The following TM9SF2 variants were observed in gnomAD, a reference collection of about 807,000 sequenced individuals.
TM9SF2 encodes transmembrane 9 superfamily member 2, also known as 76 kDa membrane protein.
Under a neutral mutation model 84.9 loss-of-function variants are expected in TM9SF2, and 13 were observed. The observed-to-expected ratio is 0.15, with a 90% CI of 0.10 to 0.24. The LOEUF (loss-of-function observed/expected upper bound fraction) is 0.24, where lower values mean the gene tolerates loss of function less well. Ranked by LOEUF, TM9SF2 falls within the 10% of genes least tolerant of loss-of-function variation. The pLI is 1.00. For missense variants in TM9SF2, 562 were observed against 818.5 expected (o/e 0.69, Z 3.82); for synonymous variants, 273 against 285.8 (o/e 0.96, Z 0.45).
intron 3 of TM9SF2, among the ~76,000 whole-genome samples, chr13:99,528,879 C>A (rs1172012083): frequency 3.3e-5 from 5 of 152,080 alleles, no homozygotes; most frequent in African/African-American, 4.8e-5. Flanking sequence ...TTTTTAATCA[C>A]CTTATGTAAT....
At chr13:99,553,298 C>T (rs1227242338) in intron 13 of TM9SF2, among the ~76,000 whole-genome samples, 2 of 152,198 alleles carry the variant, frequency 1.3e-5, no homozygotes, top group South Asian at 2.1e-4. Flanking sequence ...TGGCACTGTT[C>T]CACAGCCTCC....
rs1404240842 is a variant in TM9SF2, at chr13:99,562,879, C to T, written c.*121C>T. On this transcript the variant is annotated 3_prime_UTR_variant, in exon 17 of 17. Transcript: ENST00000376387. ...TGGCCTAGTAATCCTTCAGAAACACCGTAATTCTAAATAAACCTCTTCCCA... is the reference window on the plus strand; with the variant it reads ...TGGCCTAGTAATCCTTCAGAAACACTGTAATTCTAAATAAACCTCTTCCCA... 8 of 887,340 alleles carry T rather than the reference C, an allele frequency of 9.0e-6. No individual in the cohort carries two copies. The highest frequency in any genetic ancestry group is 2.5e-5 in the East Asian group (1 of 39,728). 55.0% of individuals were successfully genotyped at this position (887,340 alleles called of 1,614,324 possible). A position where few individuals can be genotyped will look rare whatever the true frequency, so the allele number is the denominator to read the frequency against.
chr13:99,533,315 A>G (rs929803691), intron 4 of TM9SF2, among the ~76,000 whole-genome samples: 26 of 152,372 alleles, frequency 1.7e-4, no homozygotes, highest in African/African-American at 6.3e-4. Context: ...TCTATTCTAC[A>G]GAACTAACAC....
rs774795525 is a variant in TM9SF2 at position 99,539,331 on chromosome 13, A to T, written c.717-115A>T. ...TATTTATGCTATTAAGTGTGACATG[A>T]ATAATTTCACCTTTGTCAGCAGCAT... is the stretch of plus-strand genomic sequence containing the variant. On this transcript the variant is annotated intron_variant, in intron 6 of 16. Coordinates refer to ENST00000376387, the MANE Select transcript of TM9SF2 (RefSeq NM_004800.3). The T allele has an allele frequency of 6.5e-5, 45 of 694,794 alleles. No homozygotes were observed. In the Middle Eastern group the frequency reaches 7.5e-4, roughly 12 times the overall value. 43.0% of individuals were successfully genotyped at this position (694,794 alleles called of 1,614,324 possible).
intron 9 of TM9SF2, 42 bp from the exon 10 acceptor site, chr13:99,543,821 T>G (rs775685191): frequency 1.2e-6 from 2 of 1,605,874 alleles, no homozygotes; most frequent in East Asian, 4.5e-5. Context: ...GTTGTCTTGT[T>G]GATACCATGA....
In TM9SF2 at chr13:99,501,613, G is replaced by C; in HGVS notation, c.7G>C (p.Ala3Pro). 1 of 1,611,976 alleles carries C rather than the reference G, an allele frequency of 6.2e-7. No homozygotes were observed. The highest frequency in any genetic ancestry group is 8.5e-7 in the Non-Finnish European group (1 of 1,179,166). MS[A>P]RLPVLSPPRW... ...TTTCCCCGAAACAACTATCATGAGCGCGAGGCTGCCGGTGTTGTCTCCACC... is the reference window on the plus strand; with the variant it reads ...TTTCCCCGAAACAACTATCATGAGCCCGAGGCTGCCGGTGTTGTCTCCACC... The change falls in exon 1 of 17, where the codon GCG (alanine) becomes CCG (proline). Residue 3 changes from alanine to proline, a missense_variant. Physicochemically the swap from Ala to Pro is conservative, Grantham distance 27 (BLOSUM62 -1). Coordinates refer to ENST00000376387, the MANE Select transcript of TM9SF2 (RefSeq NM_004800.3).
chr13:99,544,708 CTG>C (rs1275969910), intron 10 of TM9SF2, among the ~76,000 whole-genome samples: 1 of 152,180 alleles, frequency 6.6e-6, no homozygotes, highest in African/African-American at 2.4e-5. Context: ...GCAGGAAGCA[CTG>C]TGTAGATCCT....
At chr13:99,543,720 C>G in intron 9 of TM9SF2, 143 bp from the exon 10 acceptor site, 1 of 1,039,940 alleles carries the variant, frequency 9.6e-7, no homozygotes, top group Non-Finnish European at 1.4e-6. Flanking sequence ...AAGCTGTATT[C>G]TTCAAAATTG....
intron 3 of TM9SF2, among the ~76,000 whole-genome samples, chr13:99,526,938 G>A (rs2046186289): frequency 1.3e-5 from 2 of 151,998 alleles, no homozygotes; most frequent in South Asian, 4.1e-4. Flanking sequence ...CCAGCGCTGG[G>A]GCCTATGAGA....
chr13:99,546,866 A>G (rs1424885254), intron 10 of TM9SF2, 119 bp from the exon 11 acceptor site: 4 of 1,383,844 alleles, frequency 2.9e-6, no homozygotes. Flanking sequence ...AGGAGAGCAC[A>G]TGGTTTTGCG....
chr13:99,524,524 T>C (rs903147857), intron 3 of TM9SF2, among the ~76,000 whole-genome samples: 4 of 151,986 alleles, frequency 2.6e-5, no homozygotes, highest in Non-Finnish European at 5.9e-5. Flanking sequence ...CAGCCAAATA[T>C]ATGCTTTTGG....
chr13:99,543,213 A>G (rs2046268296), intron 9 of TM9SF2, among the ~76,000 whole-genome samples: 1 of 152,148 alleles, frequency 6.6e-6, no homozygotes, highest in African/African-American at 2.4e-5. Context: ...GCCATCACAT[A>G]TGTTACATCC....
At chr13:99,517,361 A>G (rs2046139256) in intron 1 of TM9SF2, among the ~76,000 whole-genome samples, 1 of 152,174 alleles carries the variant, frequency 6.6e-6, no homozygotes, top group African/African-American at 2.4e-5. Flanking sequence ...CCTGGCCTCA[A>G]GTGATCTCCC....
rs117855455 is a variant in TM9SF2 at position 99,550,599 on chromosome 13, C to G, written c.1328+1377C>G. ...TTTACCAGCAGGTAAATAGAGCGTG[C>G]TAAGAACTCAAGTATTCAGGGGCAG... On this transcript the variant is annotated intron_variant, in intron 12 of 16. Coordinates refer to ENST00000376387, the MANE Select transcript of TM9SF2 (RefSeq NM_004800.3). Among the ~76,000 whole-genome samples, 328 of 152,222 alleles carry G rather than the reference C, an allele frequency of 2.2e-3. 5 individuals carry two copies. In the East Asian group the frequency reaches 0.059, roughly 27 times the overall value.
At chr13:99,552,072 A>T in intron 12 of TM9SF2, 95 bp from the exon 13 acceptor site, 1 of 1,196,886 alleles carries the variant, frequency 8.4e-7, no homozygotes, top group Non-Finnish European at 1.2e-6. Context: ...CTTTGTATAT[A>T]TATATTAGAA....
intron 15 of TM9SF2, among the ~76,000 whole-genome samples, chr13:99,556,253 T>C (rs1434370792): frequency 6.6e-6 from 1 of 152,236 alleles, no homozygotes; most frequent in Non-Finnish European, 1.5e-5. Flanking sequence ...TAAATTTACA[T>C]AACAGAAAAT....
At chr13:99,517,209 G>A (rs1041913730) in intron 1 of TM9SF2, among the ~76,000 whole-genome samples, 2 of 152,052 alleles carry the variant, frequency 1.3e-5, no homozygotes, top group African/African-American at 4.8e-5. Flanking sequence ...AAACTCCTGG[G>A]CTCAAGTGAT....
intron 9 of TM9SF2, among the ~76,000 whole-genome samples, chr13:99,541,947 C>T (rs1566570664): frequency 6.6e-6 from 1 of 152,014 alleles, no homozygotes; most frequent in Admixed American, 6.6e-5. Context: ...GTCAGGAGTT[C>T]AAGACCAGCC....
At chr13:99,562,628 A>AT in intron 16 of TM9SF2, 63 bp from the exon 17 acceptor site, 3 of 1,514,820 alleles carry the variant, frequency 2.0e-6, no homozygotes, top group South Asian at 1.1e-5. Context: ...GTAAGTCTGT[A>AT]TTTTTGTGTA....
Sources: allele counts gnomAD v4.1 joint callset (sites outside exome capture counted in the v4.1 genomes callset), GRCh38; gene constraint gnomAD v4.1.1; transcripts MANE v1.5; gene names NCBI Gene and HGNC (gene_info 2026-07-23, HGNC 2026-07-21).